Variants in TP53BP2 observed in about 807,000 individuals in gnomAD.
The protein encoded by TP53BP2 is tumor protein p53 binding protein 2, also known as apoptosis-stimulating of p53 protein 2.
TP53BP2 carries 62 observed loss-of-function variants against 126.2 expected under a neutral mutation model. That is an observed-to-expected ratio of 0.49 (90% CI 0.40 to 0.61). The LOEUF is 0.61. Ranked by LOEUF, TP53BP2 falls within the 20% of genes least tolerant of loss-of-function variation. TP53BP2 has a pLI of 0.00. For synonymous variants in TP53BP2, 485 were observed against 502.9 expected (o/e 0.96, Z 0.48); for missense variants, 1,215 against 1,402.8 (o/e 0.87, Z 2.14).
intron 1 of TP53BP2, among the ~76,000 whole-genome samples, chr1:223,837,139 T>C (rs1427038977): frequency 5.6e-5 from 5 of 89,578 alleles, no homozygotes; most frequent in South Asian, 8.5e-4. Flanking sequence ...ACTATTGTTT[T>C]AAAATTAAAA....
At chr1:223,845,512 C>A in intron 1 of TP53BP2, 142 bp downstream of exon 1, 1 of 961,432 alleles carries the variant, frequency 1.0e-6, no homozygotes, top group Non-Finnish European at 1.4e-6. Context: ...GAAACCCGCT[C>A]GAAGCTCGGA....
intron 15 of TP53BP2, among the ~76,000 whole-genome samples, chr1:223,792,115 G>A (rs1020038400): frequency 6.6e-6 from 1 of 152,166 alleles, no homozygotes; most frequent in Non-Finnish European, 1.5e-5. Context: ...GCTTAAGGAT[G>A]CTAATTAACT....
chr1:223,796,264 A>G lies in TP53BP2; in HGVS notation c.2275T>C (p.Leu759=). 1 of 1,614,060 alleles carries G rather than the reference A, an allele frequency of 6.2e-7. No homozygotes were observed. Among genetic ancestry groups the G allele is most frequent in the Non-Finnish European group, 8.5e-7 (1 of 1,179,998 alleles). The part of the protein sequence containing the change: ...GPNGPNIQKL[L]YQRTTIAAME... ...GCCGCTATGGTGGTCCTCTGATATA[A>G]AAGCTTCTGAATATTTGGCCCATTA... Residue 759 remains leucine (L), a synonymous_variant, in exon 13 of 18, where the codon TTA becomes CTA. Coordinates refer to ENST00000343537, the MANE Select transcript of TP53BP2 (RefSeq NM_001031685.3). This position sits in a 1 kb window ranked among gnomAD's most constrained non-coding sequence, Gnocchi z 4.2.
At chr1:223,790,715 C>T (rs746769350) in intron 15 of TP53BP2, among the ~76,000 whole-genome samples, 13 of 151,622 alleles carry the variant, frequency 8.6e-5, no homozygotes, top group Non-Finnish European at 1.3e-4. Flanking sequence ...GCAATCCTCC[C>T]ACCTCAGCCT....
Position 223,810,498 on chromosome 1 carries a change from G to C in TP53BP2, c.305C>G (p.Ser102Cys). The C allele has an allele frequency of 6.2e-7, 1 of 1,605,994 alleles. No individual in the cohort carries two copies. Among genetic ancestry groups the C allele is most frequent in the South Asian group, 1.1e-5 (1 of 89,396 alleles). Reference protein sequence around the residue: ...PGRDIVSGPRSQDPSLKRNGV... With the variant: ...PGRDIVSGPRCQDPSLKRNGV... ...ATTTCTTTTTAAACTTGGATCCTGA[G>C]ATCTTGGTCCACTCACTAAGGACAA... Residue 102 changes from serine (S) to cysteine (C), a missense_variant, in exon 4 of 18, where the codon TCT becomes TGT. Around this residue, in one of 4 missense-constraint regions of TP53BP2, gnomAD observed 814 missense variants for 853.0 expected, o/e 0.95. Transcript: ENST00000343537.
chr1:223,840,794 T>C (rs182660225), intron 1 of TP53BP2, among the ~76,000 whole-genome samples: 3 of 152,346 alleles, frequency 2.0e-5, no homozygotes, highest in Admixed American at 2.0e-4. Flanking sequence ...TCCAGATAAA[T>C]ACATTCTCCT....
At chr1:223,799,311 T>A (rs947290134) in intron 11 of TP53BP2, among the ~76,000 whole-genome samples, 1 of 152,198 alleles carries the variant, frequency 6.6e-6, no homozygotes, top group East Asian at 1.9e-4. Context: ...CATTTAATAA[T>A]GGTTTTCATT....
At chr1:223,841,103 T>C (rs1226743393) in intron 1 of TP53BP2, among the ~76,000 whole-genome samples, 2 of 151,956 alleles carry the variant, frequency 1.3e-5, no homozygotes, top group African/African-American at 4.8e-5. Flanking sequence ...AATACAAAAA[T>C]TAGCAGAGCG....
intron 2 of TP53BP2, among the ~76,000 whole-genome samples, chr1:223,819,027 T>C (rs1663198996): frequency 6.6e-6 from 1 of 151,302 alleles, no homozygotes; most frequent in Non-Finnish European, 1.5e-5. Context: ...CTACTAAAAA[T>C]ACAAAATTAG....
chr1:223,783,230 T>G, intron 17 of TP53BP2, among the ~76,000 whole-genome samples: 1 of 152,210 alleles, frequency 6.6e-6, no homozygotes, highest in Non-Finnish European at 1.5e-5. Flanking sequence ...ACACTAATCT[T>G]GGGAGGCAGG....
chr1:223,831,085 G>A (rs1330891545), intron 1 of TP53BP2, among the ~76,000 whole-genome samples: 1 of 140,860 alleles, frequency 7.1e-6, no homozygotes, highest in African/African-American at 3.0e-5. Flanking sequence ...GAGAGAGAGT[G>A]AGACTCTTTC....
At position 223,789,180 on chromosome 1, in the gene TP53BP2, AAG is replaced by A; in HGVS notation, c.2997-8_2997-7del. 6.2e-7 allele frequency: 1 copy of A among 1,614,094 alleles called. No homozygotes were observed. The highest frequency in any genetic ancestry group is 8.5e-7 in the Non-Finnish European group (1 of 1,179,960). ...CAGCACAATGTAATGGAGTCCTGTG[AAG>A]CAAGATACGAGGGCTAGAACTGTTT... On this transcript the variant is annotated splice_region_variant and splice_polypyrimidine_tract_variant and intron_variant, in intron 15 of 17. Transcript: ENST00000343537.
intron 1 of TP53BP2, among the ~76,000 whole-genome samples, chr1:223,839,938 TA>T (rs58527486): frequency 0.031 from 4,703 of 150,986 alleles, 240 homozygotes; most frequent in African/African-American, 0.11. Flanking sequence ...AGACTCTGTC[TA>T]AAAAAAAACA....
rs1662341960 is a variant in TP53BP2, at chr1:223,796,806, T to C, written c.1949-216A>G. ...ATTACAGAATCAAAACCCCCACTGA[T>C]TGTAACATGCACCATATCTCATGAA... On this transcript the variant is annotated intron_variant, in intron 12 of 17. Coordinates refer to ENST00000343537, the MANE Select transcript of TP53BP2 (RefSeq NM_001031685.3). This position sits in a 1 kb window ranked among gnomAD's most constrained non-coding sequence, Gnocchi z 4.2. Among the ~76,000 whole-genome samples the C allele has an allele frequency of 6.6e-6, 1 of 152,240 alleles. No individual in the cohort carries two copies. The highest frequency in any genetic ancestry group is 1.5e-5 in the Non-Finnish European group (1 of 68,050).
chr1:223,843,829 C>G (rs1664184673), intron 1 of TP53BP2, among the ~76,000 whole-genome samples: 1 of 152,072 alleles, frequency 6.6e-6, no homozygotes, highest in East Asian at 1.9e-4. Context: ...CAAAATATTA[C>G]AGTATAAAGA....
chr1:223,829,473 T>C (rs12566817), intron 1 of TP53BP2, among the ~76,000 whole-genome samples: 15,429 of 152,174 alleles, frequency 0.1, 880 homozygotes, highest in African/African-American at 0.16. Context: ...TGTTTTTAAA[T>C]TATCTGTCAT....
intron 16 of TP53BP2, among the ~76,000 whole-genome samples, chr1:223,787,745 G>A (rs1662018654): frequency 6.6e-6 from 1 of 152,168 alleles, no homozygotes; most frequent in African/African-American, 2.4e-5. Context: ...GGGTGTGGTA[G>A]TACATGCCTG....
intron 1 of TP53BP2, among the ~76,000 whole-genome samples, chr1:223,822,608 G>A (rs941954858): frequency 2.0e-5 from 3 of 151,848 alleles, no homozygotes; most frequent in East Asian, 3.9e-4. Flanking sequence ...GGTCGCAGCT[G>A]TAGTGAGAAG....
chr1:223,833,928 G>A (rs1035835657), intron 1 of TP53BP2, among the ~76,000 whole-genome samples: 16 of 152,230 alleles, frequency 1.1e-4, no homozygotes, highest in African/African-American at 3.6e-4. Context: ...GAAGTGATGA[G>A]GGGAGGATGG....
Sources: gnomAD v4.1 joint callset for allele counts (sites outside exome capture counted in the v4.1 genomes callset) on GRCh38, gnomAD v4.1.1 for gene constraint, gnomAD v4.1.1 regional missense constraint, Gnocchi (gnomAD v3.1) non-coding constraint, MANE v1.5 for transcripts, NCBI Gene and HGNC (gene_info 2026-07-23, HGNC 2026-07-21) for gene names.